MDGA2: variants seen among roughly 807,000 people sequenced by gnomAD.
MDGA2 encodes MAM domain containing glycosylphosphatidylinositol anchor 2, also known as MAM domain-containing glycosylphosphatidylinositol anchor protein 2.
Under a neutral mutation model 117.8 loss-of-function variants are expected in MDGA2, and 40 were observed. The ratio of observed to expected loss-of-function variants is 0.34; its 90% CI spans 0.26 to 0.44. MDGA2 has a LOEUF of 0.44. Ranked by LOEUF, MDGA2 falls within the 20% of genes least tolerant of loss-of-function variation. The pLI is 1.00. For synonymous variants in MDGA2, 452 were observed against 439.0 expected (o/e 1.03, Z -0.37); for missense variants, 1,123 against 1,250.6 (o/e 0.90, Z 1.54).
At chr14:47,068,555 T>C (rs1265484035) in intron 6 of MDGA2, among the ~76,000 whole-genome samples, 1 of 151,906 alleles carries the variant, frequency 6.6e-6, no homozygotes, top group Non-Finnish European at 1.5e-5. Flanking sequence ...GAATAGAAGA[T>C]TATTACTTTG....
chr14:46,846,031 A>T (rs935042132), intron 15 of MDGA2, among the ~76,000 whole-genome samples, 160 bp from the exon 16 acceptor site: 7 of 152,172 alleles, frequency 4.6e-5, no homozygotes, highest in Non-Finnish European at 8.8e-5. Flanking sequence ...ATAAACTTTC[A>T]TCCCAAAACC....
At chr14:47,025,835 A>T (rs895449116) in intron 8 of MDGA2, among the ~76,000 whole-genome samples, 1 of 152,032 alleles carries the variant, frequency 6.6e-6, no homozygotes, top group Admixed American at 6.6e-5. Context: ...ATTTTCCTCC[A>T]CTGATTCAAT....
chr14:47,085,070 A>C (rs376926449), intron 6 of MDGA2, among the ~76,000 whole-genome samples: 1 of 152,170 alleles, frequency 6.6e-6, no homozygotes, highest in East Asian at 1.9e-4. Context: ...GTCAAAGAAA[A>C]AAAAATCACA....
intron 1 of MDGA2, among the ~76,000 whole-genome samples, chr14:47,452,665 A>G (rs1352221846): frequency 6.6e-6 from 1 of 152,122 alleles, no homozygotes; most frequent in Non-Finnish European, 1.5e-5. Context: ...CTTTAAAAAC[A>G]GAACTGTTGC....
chr14:47,014,170 G>C (rs1050627753), intron 8 of MDGA2, among the ~76,000 whole-genome samples: 5 of 151,996 alleles, frequency 3.3e-5, no homozygotes, highest in Admixed American at 1.3e-4. Context: ...TGAACAGTAA[G>C]TCTCATCAGT....
At chr14:47,367,931 T>C (rs1174900232) in intron 1 of MDGA2, among the ~76,000 whole-genome samples, 2 of 152,166 alleles carry the variant, frequency 1.3e-5, no homozygotes, top group African/African-American at 2.4e-5. Context: ...GATTTTATTA[T>C]TTTTCCCTAA....
At chr14:46,981,405 A>C (rs1010252458) in intron 8 of MDGA2, among the ~76,000 whole-genome samples, 5 of 152,136 alleles carry the variant, frequency 3.3e-5, no homozygotes, top group Non-Finnish European at 5.9e-5. Flanking sequence ...CTCCATCTCC[A>C]AGAAAAAAAA....
intron 9 of MDGA2, among the ~76,000 whole-genome samples, chr14:46,923,879 G>C (rs896470239): frequency 6.6e-6 from 1 of 151,894 alleles, no homozygotes; most frequent in Non-Finnish European, 1.5e-5. Context: ...GACATCTACT[G>C]GTTGAACAGG....
At chr14:46,948,006 T>A (rs956166166) in intron 9 of MDGA2, among the ~76,000 whole-genome samples, 1 of 151,998 alleles carries the variant, frequency 6.6e-6, no homozygotes, top group African/African-American at 2.4e-5. Flanking sequence ...CTCTATGACA[T>A]CTTTCAAACT....
At chr14:47,667,096 A>G (rs1202577436) in intron 1 of MDGA2, among the ~76,000 whole-genome samples, 1 of 152,144 alleles carries the variant, frequency 6.6e-6, no homozygotes, top group Non-Finnish European at 1.5e-5. Flanking sequence ...GAAACCAAGA[A>G]CCCACCAATT....
intron 4 of MDGA2, among the ~76,000 whole-genome samples, chr14:47,137,510 CCT>C (rs2139176444): frequency 6.6e-6 from 1 of 152,034 alleles, no homozygotes; most frequent in Non-Finnish European, 1.5e-5. Context: ...GATACCTCCC[CCT>C]CTCTCTCTTG....
At chr14:47,331,947 C>T (rs1006783709) in intron 1 of MDGA2, among the ~76,000 whole-genome samples, 2 of 151,854 alleles carry the variant, frequency 1.3e-5, no homozygotes, top group African/African-American at 4.8e-5. Context: ...AACATTTTGG[C>T]ATAAAGAAGT....
At chr14:47,229,481 A>G (rs1177015007) in intron 2 of MDGA2, among the ~76,000 whole-genome samples, 1 of 152,110 alleles carries the variant, frequency 6.6e-6, no homozygotes, top group Non-Finnish European at 1.5e-5. Flanking sequence ...AATTTTTAAT[A>G]AAAAATTACT....
chr14:46,944,047 CTTAT>C (rs1312397940), intron 9 of MDGA2, among the ~76,000 whole-genome samples: 4 of 152,028 alleles, frequency 2.6e-5, no homozygotes, highest in Admixed American at 6.6e-5. Context: ...TCTTTACCCA[CTTAT>C]TTACTATACC....
At chr14:47,613,995 T>C (rs1896901064) in intron 1 of MDGA2, among the ~76,000 whole-genome samples, 1 of 152,052 alleles carries the variant, frequency 6.6e-6, no homozygotes, top group Non-Finnish European at 1.5e-5. Context: ...ATAGATTATT[T>C]AGAAGTTATG....
At position 47,274,485 on chromosome 14, in the gene MDGA2, G is replaced by A. The variant is rs1310845393; in HGVS notation, c.420+26926C>T. The stretch of plus-strand genomic sequence containing the variant: ...TTTATTTATCCATTCATCAACTGAC[G>A]GATATTTGGGTTGTTTCCACTTTTT... On this transcript the variant is annotated intron_variant, in intron 2 of 16. Transcript: ENST00000399232. Among the ~76,000 whole-genome samples the A allele has an allele frequency of 3.9e-5, 6 of 152,154 alleles. No individual in the cohort carries two copies. In the East Asian group the frequency reaches 7.7e-4, roughly 20 times the overall value.
At chr14:47,657,002 C>T (rs1343404462) in intron 1 of MDGA2, among the ~76,000 whole-genome samples, 2 of 152,116 alleles carry the variant, frequency 1.3e-5, no homozygotes, top group African/African-American at 2.4e-5. Flanking sequence ...ATCCTCACAC[C>T]GTGCTGTAAG....
chr14:46,877,619 T>G (rs1457444916), intron 11 of MDGA2, 110 bp from the exon 12 acceptor site: 3 of 678,506 alleles, frequency 4.4e-6, no homozygotes, highest in Admixed American at 3.0e-5. Context: ...TTACCAAAAC[T>G]TAATGATCTT....
chr14:47,150,969 A>G (rs1883141622), intron 3 of MDGA2, among the ~76,000 whole-genome samples: 1 of 151,368 alleles, frequency 6.6e-6, no homozygotes, highest in Non-Finnish European at 1.5e-5. Flanking sequence ...ACCTGCCAAC[A>G]GCAATGGGGC....
Sources: allele counts gnomAD v4.1 joint callset (sites outside exome capture counted in the v4.1 genomes callset), GRCh38; gene constraint gnomAD v4.1.1; transcripts MANE v1.5; gene names NCBI Gene and HGNC (gene_info 2026-07-23, HGNC 2026-07-21).